GNG4: variants seen among roughly 807,000 people sequenced by gnomAD.
The protein encoded by GNG4 is guanine nucleotide-binding protein G(I)/G(S)/G(O) subunit gamma-4.
A neutral mutation model predicts 5.8 loss-of-function variants in GNG4; 4 were observed. That is an observed-to-expected ratio of 0.69 (90% CI 0.34 to 1.57). GNG4 has a LOEUF of 1.57. Among genes scored for constraint, GNG4 ranks in the 40% most tolerant of loss-of-function variants. The probability of loss-of-function intolerance (pLI) is 0.06; values close to 1 mark genes in which losing one functional copy is unlikely to be tolerated. For synonymous variants in GNG4, 29 were observed against 32.9 expected (o/e 0.88, Z 0.41); for missense variants, 96 against 95.1 (o/e 1.01, Z -0.04).
chr1:235,616,102 G>A (rs1326091855), intron 1 of GNG4: 2 of 445,606 alleles, frequency 4.5e-6, no homozygotes, highest in Non-Finnish European at 4.5e-6. Flanking sequence ...TTAGCGCTAG[G>A]AGGACCATTC....
intron 1 of GNG4, among the ~76,000 whole-genome samples, chr1:235,628,730 T>G (rs921263955): frequency 1.3e-5 from 2 of 152,158 alleles, no homozygotes; most frequent in African/African-American, 4.8e-5. Context: ...AATATGGGGA[T>G]TGAGACTCGC....
intron 1 of GNG4, among the ~76,000 whole-genome samples, chr1:235,616,676 C>T (rs1263705052): frequency 1.3e-5 from 2 of 151,994 alleles, no homozygotes; most frequent in Non-Finnish European, 2.9e-5. Context: ...CAAGACAAGC[C>T]TTTTTCTCTG....
intron 1 of GNG4, among the ~76,000 whole-genome samples, chr1:235,635,198 C>T (rs1689010319): frequency 6.6e-6 from 1 of 152,040 alleles, no homozygotes; most frequent in African/African-American, 2.4e-5. Context: ...TCTCTTACAG[C>T]CTCTTATGGT....
intron 1 of GNG4, chr1:235,615,044 A>AGATTCCTGGCCCGCACCTC (rs1688559673): frequency 1.3e-5 from 2 of 152,398 alleles, no homozygotes; most frequent in Admixed American, 1.3e-4. Context: ...TCCAGGAGCT[A>AGATTCCTGGCCCGCACCTC]GATTCCTGGC....
At chr1:235,587,779 G>GGT (rs1391934361) in intron 2 of GNG4, among the ~76,000 whole-genome samples, 12 of 101,256 alleles carry the variant, frequency 1.2e-4, no homozygotes, top group East Asian at 7.3e-4. Context: ...GTGGGGTGGG[G>GGT]GTGTGTGTGT....
intron 1 of GNG4, among the ~76,000 whole-genome samples, chr1:235,618,201 G>C (rs1688637145): frequency 6.6e-6 from 1 of 152,146 alleles, no homozygotes; most frequent in South Asian, 2.1e-4. Context: ...ACTTAGTTTG[G>C]GGCACTGCAG....
intron 3 of GNG4, among the ~76,000 whole-genome samples, chr1:235,556,034 T>G (rs924229458): frequency 4.0e-5 from 6 of 151,810 alleles, no homozygotes; most frequent in Admixed American, 2.6e-4. Flanking sequence ...GCCTGGCTAA[T>G]TTTTAAATTT....
At chr1:235,597,628 G>GTGTA (rs772061855) in intron 1 of GNG4, among the ~76,000 whole-genome samples, 2,579 of 72,376 alleles carry the variant, frequency 0.036, 88 homozygotes, top group African/African-American at 0.052. Context: ...GTGTGTGTGT[G>GTGTA]TATTTTTTTT....
chr1:235,622,587 C>T lies in GNG4; in HGVS notation c.-123+27075G>A, dbSNP rs4319319. Among the ~76,000 whole-genome samples, 7,154 of 151,870 alleles carry T rather than the reference C, an allele frequency of 0.047. 1,169 individuals carry two copies. In the East Asian group the frequency reaches 0.56, roughly 12 times the overall value. On this transcript the variant is annotated intron_variant, in intron 1 of 3. Coordinates refer to ENST00000391854, the MANE Select transcript of GNG4 (RefSeq NM_001098722.2). ...AAATTCGGCCAGGCACGGTGGCTCA[C>T]CTGAGGTCAGGTGGCTCACCCAGCA...
chr1:235,617,717 T>A (rs998686954), intron 1 of GNG4, among the ~76,000 whole-genome samples: 1 of 151,852 alleles, frequency 6.6e-6, no homozygotes, highest in Non-Finnish European at 1.5e-5. Context: ...AAACCCCATC[T>A]CTACTAAAAA....
At position 235,567,991 on chromosome 1, in the gene GNG4, C is replaced by T. The variant is rs1438926512; in HGVS notation, c.99+15749G>A. 2.6e-5 allele frequency among the ~76,000 whole-genome samples: 4 copies of T among 152,092 alleles called. No homozygotes were observed. In the South Asian group the frequency reaches 6.2e-4, roughly 24 times the overall value. On this transcript the variant is annotated intron_variant, in intron 3 of 3. Coordinates refer to ENST00000391854, the MANE Select transcript of GNG4 (RefSeq NM_001098722.2). ...ACAGGCCCTTGCACAACATCCTGTT[C>T]CCTCACTCTGCACGTAGCCCCAGCA...
intron 2 of GNG4, among the ~76,000 whole-genome samples, chr1:235,588,039 G>A (rs1687867416): frequency 1.3e-5 from 2 of 151,988 alleles, no homozygotes; most frequent in African/African-American, 2.4e-5. Flanking sequence ...GGCCCCTGCA[G>A]CTGCGCCCAC....
At chr1:235,633,853 C>A (rs1688979683) in intron 1 of GNG4, among the ~76,000 whole-genome samples, 1 of 152,108 alleles carries the variant, frequency 6.6e-6, no homozygotes, top group Non-Finnish European at 1.5e-5. Context: ...GGGAGAAGTC[C>A]AACCAGGATA....
chr1:235,619,192 T>TATACAC (rs10676806), intron 1 of GNG4, among the ~76,000 whole-genome samples: 1 of 129,632 alleles, frequency 7.7e-6, no homozygotes, highest in East Asian at 2.2e-4. Flanking sequence ...CACATATATA[T>TATACAC]ACACACACAC....
chr1:235,569,267 T>C (rs994723222), intron 3 of GNG4, among the ~76,000 whole-genome samples: 2 of 152,082 alleles, frequency 1.3e-5, no homozygotes, highest in African/African-American at 4.8e-5. Context: ...CCTAGCACTC[T>C]GGGAGGCCAA....
intron 1 of GNG4, among the ~76,000 whole-genome samples, chr1:235,637,610 C>T (rs1401169572): frequency 1.4e-5 from 2 of 146,110 alleles, no homozygotes; most frequent in Non-Finnish European, 3.0e-5. Context: ...GCCGAGATTG[C>T]ACCACTGCAC....
At chr1:235,568,070 C>G (rs542012138) in intron 3 of GNG4, among the ~76,000 whole-genome samples, 32 of 152,322 alleles carry the variant, frequency 2.1e-4, no homozygotes, top group South Asian at 6.2e-4. Context: ...AAGCTTCCTT[C>G]CAGCCCCTGC....
intron 1 of GNG4, among the ~76,000 whole-genome samples, chr1:235,621,087 C>A (rs1688701661): frequency 2.0e-5 from 3 of 151,658 alleles, no homozygotes; most frequent in African/African-American, 7.3e-5. Context: ...TGTCTAATGT[C>A]AATTTTGGGG....
chr1:235,607,969 G>C (rs1448978016), intron 1 of GNG4, among the ~76,000 whole-genome samples: 1 of 141,632 alleles, frequency 7.1e-6, no homozygotes, highest in Admixed American at 7.5e-5. Flanking sequence ...ATGGAATCTC[G>C]CTCTGTCACC....
Sources: allele counts gnomAD v4.1 joint callset (sites outside exome capture counted in the v4.1 genomes callset), GRCh38; gene constraint gnomAD v4.1.1; transcripts MANE v1.5; gene names NCBI Gene and HGNC (gene_info 2026-07-23, HGNC 2026-07-21).